WNT3: variants seen among roughly 807,000 people sequenced by gnomAD.
The protein encoded by WNT3 is Wnt family member 3, also known as proto-oncogene Wnt-3.
In WNT3, 7 loss-of-function variants were observed where a neutral mutation model predicts 34.2. The ratio of observed to expected loss-of-function variants is 0.20; its 90% confidence interval spans 0.12 to 0.38. The LOEUF (loss-of-function observed/expected upper bound fraction) is 0.38, where lower values mean the gene tolerates loss of function less well. Among genes scored for constraint, WNT3 ranks in the 10% least tolerant of loss-of-function variants. The pLI is 1.00. For missense variants in WNT3, 267 were observed against 499.8 expected (o/e 0.53, Z 4.44); for synonymous variants, 212 against 211.5 (o/e 1.00, Z -0.02).
intron 1 of WNT3, among the ~76,000 whole-genome samples, chr17:46,800,836 G>A (rs1308112128): frequency 1.3e-5 from 2 of 152,182 alleles, no homozygotes; most frequent in Non-Finnish European, 2.9e-5. Flanking sequence ...AAGGGCCTTT[G>A]CTGGGGCCGC....
chr17:46,790,576 C>G (rs2083971988), intron 1 of WNT3, among the ~76,000 whole-genome samples: 1 of 152,194 alleles, frequency 6.6e-6, no homozygotes, highest in South Asian at 2.1e-4. Flanking sequence ...CTGGGCCCCA[C>G]CTCCTATTCC....
intron 1 of WNT3, among the ~76,000 whole-genome samples, chr17:46,776,454 C>G (rs1194175810): frequency 1.3e-5 from 2 of 152,232 alleles, no homozygotes; most frequent in Non-Finnish European, 2.9e-5. Flanking sequence ...ATCCTCACGG[C>G]AGGTCTGTAA....
At chr17:46,800,938 G>T (rs1003641205) in intron 1 of WNT3, among the ~76,000 whole-genome samples, 1 of 152,162 alleles carries the variant, frequency 6.6e-6, no homozygotes, top group African/African-American at 2.4e-5. Flanking sequence ...GAGAAGGCAG[G>T]GGGTAGCACA....
rs2059331533 is a variant in WNT3, at chr17:46,768,195, TTG to T, written c.*8+115_*8+116del. 3 of 1,463,702 alleles carry T rather than the reference TTG, an allele frequency of 2.0e-6. No individual in the cohort carries two copies. The highest frequency in any genetic ancestry group is 1.2e-5 in the South Asian group (1 of 82,626). The allele number at this position is 1,463,702 out of a possible 1,614,324, so 90.7% of individuals were successfully genotyped here. A position where few individuals can be genotyped will look rare whatever the true frequency, so the allele number is the denominator to read the frequency against. On this transcript the variant is annotated intron_variant, in intron 4 of 4. Coordinates refer to ENST00000225512, the MANE Select transcript of WNT3 (RefSeq NM_030753.5). This position sits in a 1 kb window ranked among gnomAD's most constrained non-coding sequence, Gnocchi z 5.0. Reference sequence around the variant, plus strand: ...AGCTTCCTATTTTGGCTGTGGGAACTTGTGTGTCTTGGATAGCTTAGAAACAG... The same window carrying T: ...AGCTTCCTATTTTGGCTGTGGGAACTTGTGTCTTGGATAGCTTAGAAACAG...
intron 1 of WNT3, among the ~76,000 whole-genome samples, chr17:46,777,518 G>A (rs1026113487): frequency 2.0e-5 from 3 of 152,246 alleles, no homozygotes; most frequent in African/African-American, 4.8e-5. Flanking sequence ...ACATCTCCAG[G>A]AAGAAGGTGC....
rs779105952 is a variant in WNT3, at chr17:46,768,568, G to A, written c.820C>T (p.Leu274=). The stretch of plus-strand genomic sequence containing the variant: ...TTGGGGGAGTTCTCGTAGTAGACCA[G>A]GTCCCTCTCCGTGGGTGGCTTGAAG... ...SLFKPPTERD[L]VYYENSPNFC... is the part of the protein sequence containing the mutation. The change falls in exon 4 of 5, where the codon CTG becomes TTG. Residue 274 remains leucine (L), a synonymous_variant. Transcript: ENST00000225512. The surrounding 1 kb of genome is among the most constrained non-coding windows in gnomAD (Gnocchi z 5.0). The A allele has an allele frequency of 1.2e-6, 2 of 1,614,190 alleles. No individual in the cohort carries two copies. The highest frequency in any genetic ancestry group is 2.2e-5 in the South Asian group (2 of 91,086).
At chr17:46,777,423 G>A (rs1568078864) in intron 1 of WNT3, among the ~76,000 whole-genome samples, 1 of 152,212 alleles carries the variant, frequency 6.6e-6, no homozygotes, top group Non-Finnish European at 1.5e-5. Context: ...GTCCCAGGTG[G>A]GTCTTCGCAG....
intron 1 of WNT3, among the ~76,000 whole-genome samples, chr17:46,803,073 T>G (rs1397985164): frequency 6.6e-6 from 1 of 152,154 alleles, no homozygotes; most frequent in Non-Finnish European, 1.5e-5. Context: ...CAGGTGGAGA[T>G]CATCAGAATT....
At chr17:46,790,821 G>A (rs12452064) in intron 1 of WNT3, among the ~76,000 whole-genome samples, 78,094 of 152,088 alleles carry the variant, frequency 0.51, 20,502 homozygotes, top group South Asian at 0.66. Context: ...ATCAGAGGCC[G>A]GCTACTGCGC....
Position 46,768,836 on chromosome 17 carries a change from C to G in WNT3, c.589-37G>C, listed in dbSNP as rs1186506797. On this transcript the variant is annotated intron_variant, in intron 3 of 4. Coordinates refer to ENST00000225512, the MANE Select transcript of WNT3 (RefSeq NM_030753.5). The surrounding 1 kb of genome is among the most constrained non-coding windows in gnomAD (Gnocchi z 5.0). Reference sequence around the variant, plus strand: ...AAGTGGCAGCTGGCCAACAGACCGACCCCACGAGGGGGCACATCCAGGCCT... The same window carrying G: ...AAGTGGCAGCTGGCCAACAGACCGAGCCCACGAGGGGGCACATCCAGGCCT... 6.2e-6 allele frequency: 10 copies of G among 1,603,996 alleles called. No homozygotes were observed. The highest frequency in any genetic ancestry group is 1.3e-5 in the African/African-American group (1 of 74,848).
At chr17:46,771,347 C>T (rs1250009019) in intron 2 of WNT3, among the ~76,000 whole-genome samples, 2 of 151,930 alleles carry the variant, frequency 1.3e-5, no homozygotes, top group Non-Finnish European at 2.9e-5. Flanking sequence ...ATCCTAGACG[C>T]CCCAGCCCTG....
At chr17:46,785,430 C>T (rs905876701) in intron 1 of WNT3, among the ~76,000 whole-genome samples, 2 of 152,198 alleles carry the variant, frequency 1.3e-5, no homozygotes, top group Admixed American at 6.5e-5. Context: ...AGGAGAAAAA[C>T]CCATGCACAC....
At chr17:46,769,742 G>T (rs1328598254) in intron 3 of WNT3, 41 bp downstream of exon 3, 20 of 1,602,614 alleles carry the variant, frequency 1.2e-5, no homozygotes, top group Non-Finnish European at 1.4e-5. Context: ...GGAAGCGGGG[G>T]GCTGCTCCCT....
At chr17:46,791,751 ATCTC>A (rs780546097) in intron 1 of WNT3, among the ~76,000 whole-genome samples, 1 of 152,108 alleles carries the variant, frequency 6.6e-6, no homozygotes. Flanking sequence ...AAAAGATAAA[ATCTC>A]TCTCTCTGGC....
intron 1 of WNT3, among the ~76,000 whole-genome samples, chr17:46,798,129 A>T (rs1397382229): frequency 2.0e-5 from 3 of 152,128 alleles, no homozygotes; most frequent in Non-Finnish European, 4.4e-5. Flanking sequence ...GGGCTTCACC[A>T]TGTTGGCCAG....
intron 1 of WNT3, among the ~76,000 whole-genome samples, chr17:46,805,533 A>G (rs1054991279): frequency 4.6e-5 from 7 of 152,190 alleles, no homozygotes; most frequent in Non-Finnish European, 8.8e-5. Flanking sequence ...AGATCTTGCA[A>G]TTGCACTGCA....
At chr17:46,780,783 A>G (rs1238256900) in intron 1 of WNT3, among the ~76,000 whole-genome samples, 4 of 151,790 alleles carry the variant, frequency 2.6e-5, no homozygotes, top group African/African-American at 9.7e-5. Flanking sequence ...TTTCAAAAAA[A>G]AAGGAAAGAA....
chr17:46,794,709 C>T (rs1000236272), intron 1 of WNT3, among the ~76,000 whole-genome samples: 8 of 151,978 alleles, frequency 5.3e-5, no homozygotes, highest in Non-Finnish European at 1.2e-4. Flanking sequence ...GACCTCCTTC[C>T]ACCAGCTTCC....
At chr17:46,788,001 A>T (rs897169262) in intron 1 of WNT3, among the ~76,000 whole-genome samples, 3 of 150,952 alleles carry the variant, frequency 2.0e-5, no homozygotes, top group African/African-American at 7.3e-5. Flanking sequence ...CTCCTCAGTG[A>T]CCCCACCTCA....
Sources: gnomAD v4.1 joint callset for allele counts (sites outside exome capture counted in the v4.1 genomes callset) on GRCh38, gnomAD v4.1.1 for gene constraint, Gnocchi (gnomAD v3.1) non-coding constraint, MANE v1.5 for transcripts, NCBI Gene and HGNC (gene_info 2026-07-23, HGNC 2026-07-21) for gene names.